Variants in PDLIM1 observed in about 807,000 individuals in gnomAD.
PDLIM1 encodes PDZ and LIM domain 1.
PDLIM1 carries 25 observed loss-of-function variants against 35.2 expected under a neutral mutation model. The observed-to-expected ratio is 0.71, with a 90% CI of 0.52 to 0.99. PDLIM1 has a LOEUF of 0.99. PDLIM1 is among the 50% of genes least tolerant of loss of function. The pLI, the probability that PDLIM1 is intolerant of heterozygous loss-of-function variation, is 0.00. For missense variants in PDLIM1, 363 were observed against 415.3 expected (o/e 0.87, Z 1.09); for synonymous variants, 152 against 154.0 (o/e 0.99, Z 0.10).
intron 4 of PDLIM1, among the ~76,000 whole-genome samples, chr10:95,254,726 G>C (rs2035295872): frequency 6.6e-6 from 1 of 152,056 alleles, no homozygotes; most frequent in African/African-American, 2.4e-5. Flanking sequence ...AGACCAGCCT[G>C]GGAAACATGG....
intron 1 of PDLIM1, among the ~76,000 whole-genome samples, chr10:95,289,171 A>ACTC (rs1271817345): frequency 6.6e-6 from 1 of 152,244 alleles, no homozygotes; most frequent in Non-Finnish European, 1.5e-5. Context: ...AGAAGTGGAG[A>ACTC]GGGCTGACAG....
intron 3 of PDLIM1, among the ~76,000 whole-genome samples, chr10:95,267,687 C>T (rs893544948): frequency 1.3e-5 from 2 of 152,150 alleles, no homozygotes; most frequent in African/African-American, 4.8e-5. Flanking sequence ...TATCCAACCA[C>T]CCAATTAACA....
At chr10:95,261,942 AG>A (rs1392073998) in intron 4 of PDLIM1, among the ~76,000 whole-genome samples, 1 of 151,068 alleles carries the variant, frequency 6.6e-6, no homozygotes, top group Non-Finnish European at 1.5e-5. Context: ...CGGGAGGCGG[AG>A]GTTGTGGTGA....
At chr10:95,265,234 TA>T (rs2035402799) in intron 3 of PDLIM1, among the ~76,000 whole-genome samples, 1 of 151,826 alleles carries the variant, frequency 6.6e-6, no homozygotes, top group African/African-American at 2.4e-5. Context: ...TCATGAAAAC[TA>T]AAAGCTTTAT....
intron 1 of PDLIM1, among the ~76,000 whole-genome samples, chr10:95,277,777 C>CT (rs1425760410): frequency 6.6e-6 from 1 of 152,206 alleles, no homozygotes; most frequent in African/African-American, 2.4e-5. Context: ...CAGGCAGACA[C>CT]TGCTTGCTTA....
intron 5 of PDLIM1, among the ~76,000 whole-genome samples, chr10:95,242,330 T>A (rs2035185670): frequency 6.6e-6 from 1 of 152,182 alleles, no homozygotes; most frequent in Admixed American, 6.5e-5. Flanking sequence ...TTAATTTTTT[T>A]AATATTGCAT....
intron 5 of PDLIM1, among the ~76,000 whole-genome samples, chr10:95,242,091 A>G (rs1351891935): frequency 1.3e-5 from 2 of 152,164 alleles, no homozygotes; most frequent in Non-Finnish European, 2.9e-5. Context: ...CTGGCAGCAC[A>G]TGAGATGGGG....
At chr10:95,263,567 G>C (rs1356435202) in intron 4 of PDLIM1, among the ~76,000 whole-genome samples, 4 of 152,208 alleles carry the variant, frequency 2.6e-5, no homozygotes, top group Non-Finnish European at 4.4e-5. Flanking sequence ...ATTAGAAGAT[G>C]ATGACCACAG....
At chr10:95,270,063 G>A (rs1170803620) in intron 2 of PDLIM1, among the ~76,000 whole-genome samples, 1 of 152,094 alleles carries the variant, frequency 6.6e-6, no homozygotes, top group African/African-American at 2.4e-5. Flanking sequence ...TTGTCACAAT[G>A]TCTATGCCAG....
At chr10:95,242,750 A>C (rs1418043796) in intron 5 of PDLIM1, among the ~76,000 whole-genome samples, 1 of 151,812 alleles carries the variant, frequency 6.6e-6, no homozygotes, top group East Asian at 1.9e-4. Flanking sequence ...CCCTTCCTAG[A>C]GGGATCTCAG....
At chr10:95,272,956 C>T (rs182205373) in intron 1 of PDLIM1, 1 of 152,294 alleles carries the variant, frequency 6.6e-6, no homozygotes, top group Non-Finnish European at 1.5e-5. Context: ...ATCTCCTACA[C>T]TGATGTACAA....
At position 95,290,173 on chromosome 10, in the gene PDLIM1, G is replaced by A. The variant is rs2035640188; in HGVS notation, c.96+647C>T. Among the ~76,000 whole-genome samples, 1 of 152,182 alleles carries A rather than the reference G, an allele frequency of 6.6e-6. No individual in the cohort carries two copies. Among genetic ancestry groups the A allele is most frequent in the African/African-American group, 2.4e-5 (1 of 41,444 alleles). ...TGCGGGGAGGGGAAAGAGATAATCT[G>A]GGAATGCTAGGAAGAATGACGGCGG... On this transcript the variant is annotated intron_variant, in intron 1 of 6. Coordinates refer to ENST00000329399, the MANE Select transcript of PDLIM1 (RefSeq NM_020992.4). This position sits in a 1 kb window ranked among gnomAD's most constrained non-coding sequence, Gnocchi z 4.7.
chr10:95,239,951 A>C (rs10882572), intron 5 of PDLIM1, among the ~76,000 whole-genome samples: 46,757 of 152,124 alleles, frequency 0.31, 7,999 homozygotes, highest in South Asian at 0.39. Context: ...ATACCGACTC[A>C]CGCCAGTCTG....
Position 95,283,981 on chromosome 10 carries a change from C to CTG in PDLIM1, c.96+6837_96+6838dup, listed in dbSNP as rs3979535. Among the ~76,000 whole-genome samples, 1,112 of 150,294 alleles carry CTG rather than the reference C, an allele frequency of 7.4e-3. 5 individuals are homozygous for CTG. The highest frequency in any genetic ancestry group is 0.024 in the Middle Eastern group (7 of 294). ...TCACTCTTAGGTATGGCCTTTTTCT[C>CTG]TGTGTGTGTGTGTGTGTGTGTGTGT... On this transcript the variant is annotated intron_variant, in intron 1 of 6. Coordinates refer to ENST00000329399, the MANE Select transcript of PDLIM1 (RefSeq NM_020992.4).
intron 2 of PDLIM1, among the ~76,000 whole-genome samples, chr10:95,269,214 C>A (rs549905070): frequency 6.6e-6 from 1 of 152,178 alleles, no homozygotes; most frequent in Non-Finnish European, 1.5e-5. Flanking sequence ...CTATCTCAAC[C>A]CAGTGTGTTT....
chr10:95,281,479 C>T (rs558667067), intron 1 of PDLIM1, among the ~76,000 whole-genome samples: 4 of 152,194 alleles, frequency 2.6e-5, no homozygotes, highest in Admixed American at 6.5e-5. Context: ...GTGGAAGGAT[C>T]GCTTAAACTG....
rs941896486 is a variant in PDLIM1, at chr10:95,263,933, T to G, written c.464A>C (p.Asn155Thr). Reference sequence around the variant, plus strand: ...CAGGGCATTGTTGAAGTTGGAGATATTTTCAGAAGAGTAGAGGCCAGCTGG... The same window carrying G: ...CAGGGCATTGTTGAAGTTGGAGATAGTTTCAGAAGAGTAGAGGCCAGCTGG... ...NNPAGLYSSE[N>T]ISNFNNALES... Residue 155 changes from asparagine (N) to threonine (T), a missense_variant, in exon 4 of 7, where the codon AAT becomes ACT. Asn to Thr is a moderately conservative substitution (Grantham distance 65). Coordinates refer to ENST00000329399, the MANE Select transcript of PDLIM1 (RefSeq NM_020992.4). 6.2e-7 allele frequency: 1 copy of G among 1,613,846 alleles called. No individual in the cohort carries two copies. Among genetic ancestry groups the G allele is most frequent in the Non-Finnish European group, 8.5e-7 (1 of 1,179,962 alleles).
At chr10:95,289,314 C>G (rs1289817094) in intron 1 of PDLIM1, among the ~76,000 whole-genome samples, 2 of 152,212 alleles carry the variant, frequency 1.3e-5, no homozygotes, top group African/African-American at 4.8e-5. Flanking sequence ...CGGCCAGGTA[C>G]AGGTCTGCTA....
At chr10:95,264,651 A>G (rs35830045) in intron 3 of PDLIM1, among the ~76,000 whole-genome samples, 27,351 of 152,124 alleles carry the variant, frequency 0.18, 2,487 homozygotes, top group Middle Eastern at 0.29. Flanking sequence ...TTCTGGGAGA[A>G]AGACAAGGCT....
Sources: gnomAD v4.1 joint callset for allele counts (sites outside exome capture counted in the v4.1 genomes callset) on GRCh38, gnomAD v4.1.1 for gene constraint, Gnocchi (gnomAD v3.1) non-coding constraint, MANE v1.5 for transcripts, NCBI Gene and HGNC (gene_info 2026-07-23, HGNC 2026-07-21) for gene names.